Variants in ZNF426 observed in about 807,000 individuals in gnomAD.
The protein encoded by ZNF426 is CTC-543D15.7.
ZNF426 carries 23 observed loss-of-function variants against 24.0 expected under a neutral mutation model. The observed-to-expected ratio is 0.96, with a 90% confidence interval of 0.69 to 1.36. The LOEUF is 1.36. ZNF426 is among the 40% of genes most tolerant of loss of function. ZNF426 has a pLI of 0.00. For synonymous variants in ZNF426, 272 were observed against 224.6 expected (o/e 1.21, Z -1.89); for missense variants, 646 against 658.4 (o/e 0.98, Z 0.21).
intron 3 of ZNF426, 30 bp from the exon 4 acceptor site, chr19:9,535,309 G>T (rs150825421): frequency 1.9e-6 from 3 of 1,556,490 alleles, no homozygotes; most frequent in Admixed American, 1.7e-5. Context: ...AGAGAACCCC[G>T]AGCTGACCAT....
intron 5 of ZNF426, among the ~76,000 whole-genome samples, chr19:9,533,370 C>T (rs535751175): frequency 6.6e-6 from 1 of 152,128 alleles, no homozygotes; most frequent in East Asian, 1.9e-4. Flanking sequence ...GCCCAAGAAT[C>T]GCTTGAACCC....
At chr19:9,531,312 G>A (rs1164147684) in intron 6 of ZNF426, among the ~76,000 whole-genome samples, 1 of 152,166 alleles carries the variant, frequency 6.6e-6, no homozygotes, top group African/African-American at 2.4e-5. Flanking sequence ...TTGAATCCAG[G>A]AGGCAGAGGT....
intron 4 of ZNF426, among the ~76,000 whole-genome samples, chr19:9,534,177 A>T (rs534032963): frequency 6.6e-6 from 1 of 152,288 alleles, no homozygotes; most frequent in East Asian, 1.9e-4. Context: ...CTTCTTGAAT[A>T]TGAATTTATC....
chr19:9,531,707 G>A (rs941623524), intron 6 of ZNF426, among the ~76,000 whole-genome samples: 12 of 151,870 alleles, frequency 7.9e-5, no homozygotes, highest in African/African-American at 1.5e-4. Context: ...TAACTTGGCC[G>A]GGCACGGTGG....
In ZNF426 at chr19:9,526,438, C is replaced by T. The variant is rs546188654; in HGVS notation, c.*1942G>A. On this transcript the variant is annotated 3_prime_UTR_variant, in exon 8 of 8. Coordinates refer to ENST00000253115, the MANE Select transcript of ZNF426 (RefSeq NM_024106.3). ...AACACAGAGATGGAAATTCTAAGAA[C>T]CACAAAGAAATGCTAGAAATTGAAG... 6.6e-6 allele frequency: 1 copy of T among 151,832 alleles called. No individual in the cohort carries two copies. The highest frequency in any genetic ancestry group is 2.4e-5 in the African/African-American group (1 of 41,390). The allele number at this position is 151,832 out of a possible 1,614,324, so 9.4% of individuals were successfully genotyped here. A position where few individuals can be genotyped will look rare whatever the true frequency, so the allele number is the denominator to read the frequency against.
At chr19:9,534,054 T>C (rs909503294) in intron 4 of ZNF426, 88 bp from the exon 5 acceptor site, 10 of 1,546,460 alleles carry the variant, frequency 6.5e-6, no homozygotes, top group African/African-American at 2.8e-5. Flanking sequence ...CCAATGCCTA[T>C]GCAGGATTCC....
rs760269190 is a variant in ZNF426, at chr19:9,528,635, G to A, written c.1410C>T (p.His470=). The change falls in exon 8 of 8, where the codon CAC becomes CAT. Residue 470 remains histidine (H), a synonymous_variant. Coordinates refer to ENST00000253115, the MANE Select transcript of ZNF426 (RefSeq NM_024106.3). ...STHLKIHMRI[H]TGEKPYECKQ... is the part of the protein sequence containing the mutation. ...TACACTCATAGGGTTTTTCTCCAGT[G>A]TGGATTCGCATGTGAATTTTAAGGT... The A allele has an allele frequency of 6.2e-7, 1 of 1,614,174 alleles. No individual in the cohort carries two copies. The highest frequency in any genetic ancestry group is 8.5e-7 in the Non-Finnish European group (1 of 1,180,042).
rs1285312076 is a variant in ZNF426, at chr19:9,528,448, T to G, written c.1597A>C (p.Lys533Gln). The G allele has an allele frequency of 2.5e-6, 4 of 1,613,566 alleles. No homozygotes were observed. Among genetic ancestry groups the G allele is most frequent in the Non-Finnish European group, 3.4e-6 (4 of 1,179,852 alleles). The change falls in exon 8 of 8, where the codon AAA (lysine) becomes CAA (glutamine). Residue 533 changes from lysine to glutamine, a missense_variant. Transcript: ENST00000253115. The stretch of plus-strand genomic sequence containing the variant: ...TAAGCTTTCCCGCATTGCTGACATT[T>G]ATAGGGTTTCTCTTCTGTGTGAGTT... ...EKTHTEEKPY[K>Q]CQQCGKAYSH...
rs759240980 is a variant in ZNF426 at position 9,532,849 on chromosome 19, G to A, written c.321C>T (p.Leu107=). 7.3e-5 allele frequency: 118 copies of A among 1,612,720 alleles called. No homozygotes were observed. Among genetic ancestry groups the A allele is most frequent in the Non-Finnish European group, 9.7e-5 (114 of 1,179,196 alleles). ...TTGTTCTTCATGAACACTCACCTTGGAGAACTCCTCCCTGAACTGTCCTTG... is the reference window on the plus strand; with the variant it reads ...TTGTTCTTCATGAACACTCACCTTGAAGAACTCCTCCCTGAACTGTCCTTG... ...EESRTVQGGV[L]QGWEMRLETQ... is the part of the protein sequence containing the mutation. The change falls in exon 6 of 8, where the codon CTC becomes CTT. Residue 107 remains leucine, a synonymous_variant. Coordinates refer to ENST00000253115, the MANE Select transcript of ZNF426 (RefSeq NM_024106.3).
chr19:9,528,480 T>A lies in ZNF426; in HGVS notation c.1565A>T (p.His522Leu). ...AFTCSSSFRI[H>L]EKTHTEEKPY... is the part of the protein sequence containing the mutation. ...TTTCTCTTCTGTGTGAGTTTTTTCA[T>A]GAATTCTAAAGGAACTGGAACACGT... The change falls in exon 8 of 8, where the codon CAT (histidine) becomes CTT (leucine). Residue 522 changes from histidine (H) to leucine (L), a missense_variant. Transcript: ENST00000253115. 2 of 1,614,146 alleles carry A rather than the reference T, an allele frequency of 1.2e-6. No homozygotes were observed. Among genetic ancestry groups the A allele is most frequent in the Admixed American group, 3.3e-5 (2 of 60,012 alleles).
intron 4 of ZNF426, 31 bp downstream of exon 4, chr19:9,535,157 C>G (rs756903158): frequency 3.2e-6 from 5 of 1,549,354 alleles, no homozygotes; most frequent in Non-Finnish European, 3.5e-6. Context: ...GCAAGTATGT[C>G]ACTATGTATA....
intron 3 of ZNF426, 81 bp downstream of exon 3, chr19:9,536,127 C>A: frequency 6.3e-7 from 1 of 1,585,352 alleles, no homozygotes; most frequent in Non-Finnish European, 8.6e-7. Flanking sequence ...AGCAACATGA[C>A]CAGCTGCCCA....
At chr19:9,534,448 G>C (rs143626557) in intron 4 of ZNF426, among the ~76,000 whole-genome samples, 1 of 151,890 alleles carries the variant, frequency 6.6e-6, no homozygotes, top group South Asian at 2.1e-4. Flanking sequence ...CTCATGATCC[G>C]CCCCCTTCAG....
intron 3 of ZNF426, 49 bp downstream of exon 3, chr19:9,536,159 G>A: frequency 1.2e-6 from 2 of 1,612,540 alleles, no homozygotes; most frequent in Non-Finnish European, 1.7e-6. Flanking sequence ...CCTATATTGT[G>A]TAAAGGGAAC....
chr19:9,531,145 G>A (rs34198502), intron 6 of ZNF426, 78 bp from the exon 7 acceptor site: 119,052 of 1,212,346 alleles, frequency 0.098, 6,950 homozygotes, highest in Non-Finnish European at 0.12. Context: ...AGCACTTTGG[G>A]AGGCTAAGGC....
rs2073765070 is a variant in ZNF426, at chr19:9,523,768, A to T, written c.*4612T>A. On this transcript the variant is annotated 3_prime_UTR_variant, in exon 8 of 8. Coordinates refer to ENST00000253115, the MANE Select transcript of ZNF426 (RefSeq NM_024106.3). ...TCACAATAAAGTTCATGCTCCTATGAGAATCTAATGCCACTGCTGATCTGA... is the reference window on the plus strand; with the variant it reads ...TCACAATAAAGTTCATGCTCCTATGTGAATCTAATGCCACTGCTGATCTGA... 2 of 152,378 alleles carry T rather than the reference A, an allele frequency of 1.3e-5. No individual in the cohort carries two copies. Among genetic ancestry groups the T allele is most frequent in the South Asian group, 4.1e-4 (2 of 4,826 alleles). 9.4% of individuals were successfully genotyped at this position (152,378 alleles called of 1,614,324 possible).
Position 9,529,055 on chromosome 19 carries a change from G to A in ZNF426, c.990C>T (p.His330=), listed in dbSNP as rs2073839537. 5.6e-6 allele frequency: 9 copies of A among 1,613,676 alleles called. No homozygotes were observed. The highest frequency in any genetic ancestry group is 7.6e-6 in the Non-Finnish European group (9 of 1,179,766). The change falls in exon 8 of 8, where the codon CAC becomes CAT. Residue 330 remains histidine (H), a synonymous_variant. Transcript: ENST00000253115. ...TACATACATAGGGTTTCTCTCCAGTGTGAGTTCTTCCATGTATCTGAAATG... is the reference window on the plus strand; with the variant it reads ...TACATACATAGGGTTTCTCTCCAGTATGAGTTCTTCCATGTATCTGAAATG... The part of the protein sequence containing the change: ...SNSFQIHGRT[H]TGEKPYVCKE...
Position 9,526,463 on chromosome 19 carries a change from G to C in ZNF426, c.*1917C>G, listed in dbSNP as rs1365082303. 6.6e-6 allele frequency: 1 copy of C among 152,010 alleles called. No homozygotes were observed. Among genetic ancestry groups the C allele is most frequent in the Non-Finnish European group, 1.5e-5 (1 of 68,028 alleles). The allele number at this position is 152,010 out of a possible 1,614,324, so 9.4% of individuals were successfully genotyped here. On this transcript the variant is annotated 3_prime_UTR_variant, in exon 8 of 8. Transcript: ENST00000253115. Reference sequence around the variant, plus strand: ...CCACAAAGAAATGCTAGAAATTGAAGACAGTGTAACAGAAATGAAGAATGT... The same window carrying C: ...CCACAAAGAAATGCTAGAAATTGAACACAGTGTAACAGAAATGAAGAATGT...
At position 9,536,237 on chromosome 19, in the gene ZNF426, C is replaced by T. The variant is rs763214310; in HGVS notation, c.-5G>A. On this transcript the variant is annotated 5_prime_UTR_variant, in exon 3 of 8. Transcript: ENST00000253115. ...GGACAAATCAGCAGCTGCCATCCCG[C>T]GAGGTGAGAACGTGTCAGAACCCTC... is the stretch of plus-strand genomic sequence containing the variant. The T allele has an allele frequency of 2.6e-5, 42 of 1,614,066 alleles. No homozygotes were observed. In the East Asian group the frequency reaches 2.7e-4, roughly 10 times the overall value.
Sources: gnomAD v4.1 joint callset for allele counts (sites outside exome capture counted in the v4.1 genomes callset) on GRCh38, gnomAD v4.1.1 for gene constraint, MANE v1.5 for transcripts, NCBI Gene and HGNC (gene_info 2026-07-23, HGNC 2026-07-21) for gene names.